The following EGF variants were observed in gnomAD, a reference collection of about 807,000 sequenced individuals.
The protein encoded by EGF is epidermal growth factor.
Under a neutral mutation model 143.8 loss-of-function variants are expected in EGF, and 95 were observed. The observed-to-expected ratio is 0.66, with a 90% CI of 0.56 to 0.78. The LOEUF (loss-of-function observed/expected upper bound fraction) is 0.78. EGF is among the 30% of genes least tolerant of loss of function. The pLI is 0.00. For missense variants in EGF, 1,320 were observed against 1,470.9 expected, an observed-to-expected ratio of 0.90 and a Z score of 1.68; for synonymous variants, 510 against 510.5, an observed-to-expected ratio of 1.00 and a Z score of 0.01.
chr4:109,913,301 C>G lies in EGF; in HGVS notation c.-35C>G. On this transcript the variant is annotated 5_prime_UTR_variant, in exon 1 of 24. Coordinates refer to ENST00000265171, the MANE Select transcript of EGF (RefSeq NM_001963.6). ...CGGGCCATGCTCCAGCAAAATCAAGCTGTTTTCTTTTGAAAGTTCAAACTC... is the reference window on the plus strand; with the variant it reads ...CGGGCCATGCTCCAGCAAAATCAAGGTGTTTTCTTTTGAAAGTTCAAACTC... 6.2e-7 allele frequency: 1 copy of G among 1,612,182 alleles called. No homozygotes were observed. The highest frequency in any genetic ancestry group is 1.3e-5 in the African/African-American group (1 of 74,992).
chr4:109,944,273 A>G (rs1052213932), intron 4 of EGF, among the ~76,000 whole-genome samples: 4 of 152,148 alleles, frequency 2.6e-5, no homozygotes, highest in Admixed American at 2.0e-4. Flanking sequence ...CCCCGTCTCT[A>G]CTAAAAATAC....
intron 1 of EGF, among the ~76,000 whole-genome samples, chr4:109,925,558 G>A (rs1217722661): frequency 6.6e-6 from 1 of 152,154 alleles, no homozygotes; most frequent in East Asian, 1.9e-4. Context: ...TGTGCTGAAG[G>A]CCACACTGTC....
chr4:109,935,661 G>A (rs531736979), intron 1 of EGF, among the ~76,000 whole-genome samples: 35 of 152,158 alleles, frequency 2.3e-4, no homozygotes, highest in African/African-American at 5.8e-4. Context: ...TCCTGTTTTC[G>A]CCCATTCAGT....
chr4:109,962,739 C>A (rs1745905641), intron 8 of EGF, among the ~76,000 whole-genome samples: 1 of 152,096 alleles, frequency 6.6e-6, no homozygotes, highest in Non-Finnish European at 1.5e-5. Context: ...ACCTTGATTG[C>A]AGCCATATGA....
At chr4:109,942,069 A>G (rs1430194633) in intron 2 of EGF, among the ~76,000 whole-genome samples, 1 of 152,238 alleles carries the variant, frequency 6.6e-6, no homozygotes, top group African/African-American at 2.4e-5. Context: ...TCACATCTCC[A>G]ATACTTGCTA....
chr4:110,001,653 A>G, intron 21 of EGF: 1 of 985,434 alleles, frequency 1.0e-6, no homozygotes, highest in Non-Finnish European at 1.2e-6. Flanking sequence ...AGAGATCTGG[A>G]TTGAAAGCTA....
chr4:110,008,321 C>G (rs1753589033), intron 23 of EGF, 91 bp downstream of exon 23: 1 of 1,412,438 alleles, frequency 7.1e-7, no homozygotes, highest in Non-Finnish European at 9.9e-7. Context: ...ACCACACACA[C>G]ACACACAAAC....
chr4:110,012,906 T>C lies in EGF; in HGVS notation c.*1451T>C, dbSNP rs1754124580. 6.6e-6 allele frequency among the ~76,000 whole-genome samples: 1 copy of C among 152,186 alleles called. No homozygotes were observed. The highest frequency in any genetic ancestry group is 1.5e-5 in the Non-Finnish European group (1 of 68,014). On this transcript the variant is annotated 3_prime_UTR_variant, in exon 24 of 24. Transcript: ENST00000265171. ...CTAGTCCCTTTGTTTATCTTTCATT[T>C]CTCAACCCCTTGTACTTTGGTGATA...
In EGF at chr4:109,943,844, T is replaced by G; in HGVS notation, c.512T>G (p.Phe171Cys). The G allele has an allele frequency of 1.2e-6, 2 of 1,614,116 alleles. No homozygotes were observed. ...CTATGTAATGTGTTTGCCCTCAGGT[T>G]TATATTTTGGTCTTCAGAGGTGGCT... The part of the protein sequence containing the change: ...ANVAVDPVER[F>C]IFWSSEVAGS... The change falls in exon 4 of 24, where the codon TTT (phenylalanine) becomes TGT (cysteine). Residue 171 changes from phenylalanine to cysteine, a missense_variant and splice_region_variant. By Grantham distance (205) the Phe-to-Cys change is radical. Transcript: ENST00000265171.
At chr4:110,010,415 A>T (rs911842577) in intron 23 of EGF, among the ~76,000 whole-genome samples, 50 of 94,860 alleles carry the variant, frequency 5.3e-4, no homozygotes, top group Middle Eastern at 8.3e-3. Flanking sequence ...TAATTTTTTT[A>T]AAAAAATTTT....
chr4:109,940,630 G>A (rs1167087208), intron 1 of EGF: 2 of 294,292 alleles, frequency 6.8e-6, no homozygotes, highest in Non-Finnish European at 1.3e-5. Context: ...AATAGAATAT[G>A]ATGGGTGGTT....
intron 1 of EGF, among the ~76,000 whole-genome samples, chr4:109,918,152 C>A (rs1737028956): frequency 6.6e-6 from 1 of 152,106 alleles, no homozygotes; most frequent in Non-Finnish European, 1.5e-5. Context: ...GTGATATACA[C>A]CCTCCTTGGA....
At chr4:109,952,768 G>A (rs1223566215) in intron 5 of EGF, among the ~76,000 whole-genome samples, 1 of 152,194 alleles carries the variant, frequency 6.6e-6, no homozygotes, top group Non-Finnish European at 1.5e-5. Context: ...GCAAGCATAG[G>A]ATTGGTTTGG....
At chr4:109,954,049 A>T (rs1392673725) in intron 5 of EGF, among the ~76,000 whole-genome samples, 1 of 151,994 alleles carries the variant, frequency 6.6e-6, no homozygotes, top group Non-Finnish European at 1.5e-5. Context: ...AAAGCATTTT[A>T]TTTATTTATT....
chr4:110,011,293 G>A lies in EGF; in HGVS notation c.3462G>A (p.Lys1154=). Residue 1154 remains lysine (K), a synonymous_variant, in exon 24 of 24, where the codon AAG becomes AAA. Transcript: ENST00000265171. The stretch of plus-strand genomic sequence containing the variant: ...GCTGGATTCCAGTATCCAGTGATAA[G>A]GGCTCCTGTCCCCAGGTAATGGAGC... The part of the protein sequence containing the change: ...QGCWIPVSSD[K]GSCPQVMERS... The A allele has an allele frequency of 6.2e-7, 1 of 1,614,128 alleles. No individual in the cohort carries two copies. Among genetic ancestry groups the A allele is most frequent in the Non-Finnish European group, 8.5e-7 (1 of 1,180,032 alleles).
Position 109,961,846 on chromosome 4 carries a change from T to C in EGF, c.1190-17T>C. On this transcript the variant is annotated splice_polypyrimidine_tract_variant and intron_variant, in intron 7 of 23. Transcript: ENST00000265171. ...CCCGATTTAACACTAATCTTGACCTTGTTCTTTATTAATTAGAACTTGTTT... is the reference window on the plus strand; with the variant it reads ...CCCGATTTAACACTAATCTTGACCTCGTTCTTTATTAATTAGAACTTGTTT... 6.2e-7 allele frequency: 1 copy of C among 1,613,382 alleles called. No homozygotes were observed. The highest frequency in any genetic ancestry group is 8.5e-7 in the Non-Finnish European group (1 of 1,179,496).
At chr4:109,947,842 C>G (rs2126020051) in intron 5 of EGF, among the ~76,000 whole-genome samples, 1 of 152,292 alleles carries the variant, frequency 6.6e-6, no homozygotes, top group Non-Finnish European at 1.5e-5. Context: ...CGGTTTGTCA[C>G]AGCAATGTTG....
Position 109,999,683 on chromosome 4 carries a change from G to A in EGF, c.3010G>A (p.Val1004Ile). ...TCTGTTTGTGTGTTGTCACAGCTGT[G>A]TTGTTGGCTACATCGGGGAGCGATG... ...EALDKYACNC[V>I]VGYIGERCQY... The change falls in exon 21 of 24, where the codon GTT (valine) becomes ATT (isoleucine). Residue 1004 changes from valine to isoleucine, a missense_variant. This residue lies in a region of EGF where 1,186 missense variants were observed against 1,313.7 expected (regional missense o/e 0.90). Coordinates refer to ENST00000265171, the MANE Select transcript of EGF (RefSeq NM_001963.6). 6.2e-7 allele frequency: 1 copy of A among 1,614,168 alleles called. No individual in the cohort carries two copies. Among genetic ancestry groups the A allele is most frequent in the Non-Finnish European group, 8.5e-7 (1 of 1,180,016 alleles).
intron 8 of EGF, 125 bp from the exon 9 acceptor site, chr4:109,963,046 AAG>A: frequency 8.7e-7 from 1 of 1,149,642 alleles, no homozygotes; most frequent in Non-Finnish European, 1.3e-6. Flanking sequence ...GCCTGGGTGA[AAG>A]AGTGAAACTC....
Sources: allele counts gnomAD v4.1 joint callset (sites outside exome capture counted in the v4.1 genomes callset), GRCh38; gene constraint gnomAD v4.1.1; regional missense constraint gnomAD v4.1.1; transcripts MANE v1.5; gene names NCBI Gene and HGNC (gene_info 2026-07-23, HGNC 2026-07-21).